Variants in NKAIN3 observed in about 807,000 individuals in gnomAD.
NKAIN3 encodes the protein sodium/potassium-transporting ATPase subunit beta-1-interacting protein 3.
Under a neutral mutation model 30.2 loss-of-function variants are expected in NKAIN3, and 25 were observed. The ratio of observed to expected loss-of-function variants is 0.83; its 90% CI spans 0.60 to 1.16. The LOEUF is 1.16. Among genes scored for constraint, NKAIN3 ranks in the 50% most tolerant of loss-of-function variants. The pLI is 0.00. For synonymous variants in NKAIN3, 91 were observed against 89.6 expected (o/e 1.02, Z -0.09); for missense variants, 225 against 254.1 (o/e 0.89, Z 0.78).
intron 4 of NKAIN3, among the ~76,000 whole-genome samples, chr8:62,788,103 G>A (rs1229299757): frequency 1.3e-5 from 2 of 152,116 alleles, no homozygotes; most frequent in Non-Finnish European, 2.9e-5. Flanking sequence ...GATCCCTGAG[G>A]AATCGCCACA....
chr8:62,508,901 A>G (rs1441327175), intron 1 of NKAIN3, among the ~76,000 whole-genome samples: 1 of 152,154 alleles, frequency 6.6e-6, no homozygotes, highest in Non-Finnish European at 1.5e-5. Flanking sequence ...CAGATGCACA[A>G]CTCATGCTCC....
intron 1 of NKAIN3, among the ~76,000 whole-genome samples, chr8:62,551,640 G>T (rs866527922): frequency 1.3e-5 from 2 of 152,178 alleles, no homozygotes; most frequent in South Asian, 2.1e-4. Flanking sequence ...TTTTGAGACC[G>T]TTGGAAAATG....
At chr8:62,378,562 G>A (rs540807650) in intron 1 of NKAIN3, among the ~76,000 whole-genome samples, 7 of 152,286 alleles carry the variant, frequency 4.6e-5, no homozygotes, top group Middle Eastern at 3.4e-3. Context: ...TGCAGTCTTG[G>A]GACTTAGTGC....
At position 62,973,685 on chromosome 8, in the gene NKAIN3, A is replaced by C. The variant is rs1485837896; in HGVS notation, c.*8278A>C. Among the ~76,000 whole-genome samples, 1 of 150,632 alleles carries C rather than the reference A, an allele frequency of 6.6e-6. No homozygotes were observed. The highest frequency in any genetic ancestry group is 1.5e-5 in the Non-Finnish European group (1 of 67,976). The stretch of plus-strand genomic sequence containing the variant: ...TTAGTTTAATTAGATCCCATTTGTC[A>C]ATTTTGGCTTTTGTTGACATTGCTT... On this transcript the variant is annotated 3_prime_UTR_variant, in exon 7 of 7. Coordinates refer to ENST00000623646, the MANE Select transcript of NKAIN3 (RefSeq NM_001304533.3).
intron 1 of NKAIN3, among the ~76,000 whole-genome samples, chr8:62,500,490 A>AGG (rs1807409713): frequency 7.2e-6 from 1 of 138,620 alleles, no homozygotes; most frequent in African/African-American, 2.9e-5. Context: ...AGAAAGAAGA[A>AGG]AAGAAAGAAA....
intron 1 of NKAIN3, among the ~76,000 whole-genome samples, chr8:62,472,410 T>C (rs189130445): frequency 4.5e-4 from 69 of 152,284 alleles, no homozygotes; most frequent in African/African-American, 1.6e-3. Context: ...AGACTCAGTT[T>C]ATTTATCTCA....
At chr8:62,824,796 A>T (rs7000053) in intron 4 of NKAIN3, among the ~76,000 whole-genome samples, 1 of 152,168 alleles carries the variant, frequency 6.6e-6, no homozygotes, top group Admixed American at 6.6e-5. Flanking sequence ...AACCCACTTT[A>T]TGATCTGAGC....
Position 62,849,156 on chromosome 8 carries a change from C to G in NKAIN3, c.472-69297C>G, listed in dbSNP as rs543838396. Among the ~76,000 whole-genome samples, 15 of 152,180 alleles carry G rather than the reference C, an allele frequency of 9.9e-5. No individual in the cohort carries two copies. In the South Asian group the frequency reaches 2.9e-3, roughly 30 times the overall value. On this transcript the variant is annotated intron_variant, in intron 4 of 6. Coordinates refer to ENST00000623646, the MANE Select transcript of NKAIN3 (RefSeq NM_001304533.3). ...TCATATCTCTGCCAGGTTTTGGTATCAGGATAATGGTGGCCTCATAGAATA... is the reference window on the plus strand; with the variant it reads ...TCATATCTCTGCCAGGTTTTGGTATGAGGATAATGGTGGCCTCATAGAATA...
chr8:62,572,353 C>G, intron 1 of NKAIN3, among the ~76,000 whole-genome samples: 1 of 152,194 alleles, frequency 6.6e-6, no homozygotes, highest in Non-Finnish European at 1.5e-5. Context: ...AAATCACTAT[C>G]AGTATTTTTG....
At chr8:62,648,406 G>C (rs1812530251) in intron 3 of NKAIN3, among the ~76,000 whole-genome samples, 1 of 152,150 alleles carries the variant, frequency 6.6e-6, no homozygotes, top group African/African-American at 2.4e-5. Context: ...GAGAAAAATA[G>C]TCCTATGTCT....
intron 1 of NKAIN3, among the ~76,000 whole-genome samples, chr8:62,541,359 A>T (rs565206255): frequency 6.6e-6 from 1 of 152,118 alleles, no homozygotes; most frequent in African/African-American, 2.4e-5. Context: ...ATGCAATTTA[A>T]AAAAGAAGTC....
At chr8:62,907,497 T>A (rs1362439503) in intron 4 of NKAIN3, among the ~76,000 whole-genome samples, 3 of 152,166 alleles carry the variant, frequency 2.0e-5, no homozygotes, top group Non-Finnish European at 2.9e-5. Flanking sequence ...CCAGGGCATT[T>A]CAGAGGTCTT....
chr8:62,605,096 G>C (rs1245998254), intron 3 of NKAIN3, among the ~76,000 whole-genome samples: 2 of 152,080 alleles, frequency 1.3e-5, no homozygotes, highest in Non-Finnish European at 2.9e-5. Flanking sequence ...TAGAGCTAAT[G>C]AATTAGAAGC....
intron 3 of NKAIN3, among the ~76,000 whole-genome samples, chr8:62,640,918 C>T (rs1812287158): frequency 6.6e-6 from 1 of 152,060 alleles, no homozygotes; most frequent in Non-Finnish European, 1.5e-5. Flanking sequence ...TTTTTGTGTC[C>T]ACATTCTTTA....
chr8:62,589,132 T>C (rs1225986428), intron 2 of NKAIN3, among the ~76,000 whole-genome samples: 2 of 151,910 alleles, frequency 1.3e-5, no homozygotes, highest in East Asian at 3.9e-4. Context: ...GTTATTCATT[T>C]CCTCATTCTT....
chr8:62,650,899 T>C (rs1378219345), intron 3 of NKAIN3, among the ~76,000 whole-genome samples: 1 of 152,184 alleles, frequency 6.6e-6, no homozygotes, highest in Non-Finnish European at 1.5e-5. Flanking sequence ...AAATAATACT[T>C]AGCTATTTTA....
chr8:62,833,081 C>T (rs1390458957), intron 4 of NKAIN3, among the ~76,000 whole-genome samples: 1 of 151,986 alleles, frequency 6.6e-6, no homozygotes, highest in Non-Finnish European at 1.5e-5. Flanking sequence ...CAACTTGCTC[C>T]CGAATAACTT....
intron 4 of NKAIN3, among the ~76,000 whole-genome samples, chr8:62,901,484 C>A (rs1219531173): frequency 6.6e-6 from 1 of 152,086 alleles, no homozygotes; most frequent in Non-Finnish European, 1.5e-5. Context: ...GATACTGTGG[C>A]CAGTTTCTCA....
At chr8:62,945,755 A>T (rs1823106138) in intron 5 of NKAIN3, among the ~76,000 whole-genome samples, 1 of 152,118 alleles carries the variant, frequency 6.6e-6, no homozygotes, top group Admixed American at 6.5e-5. Context: ...CTCACTCCCC[A>T]CAATGAGGAA....
Sources: allele counts gnomAD v4.1 joint callset (sites outside exome capture counted in the v4.1 genomes callset), GRCh38; gene constraint gnomAD v4.1.1; transcripts MANE v1.5; gene names NCBI Gene and HGNC (gene_info 2026-07-23, HGNC 2026-07-21).